TRAK2: variants seen among roughly 807,000 people sequenced by gnomAD.
TRAK2 encodes the protein trafficking kinesin-binding protein 2.
Under a neutral mutation model 104.6 loss-of-function variants are expected in TRAK2, and 81 were observed. The observed-to-expected ratio is 0.77, with a 90% confidence interval of 0.65 to 0.93. The LOEUF (loss-of-function observed/expected upper bound fraction) is 0.93, where lower values mean the gene tolerates loss of function less well. Among genes scored for constraint, TRAK2 ranks in the 40% least tolerant of loss-of-function variants. TRAK2 has a pLI of 0.00. For missense variants in TRAK2, 1,002 were observed against 1,089.0 expected (o/e 0.92, Z 1.12); for synonymous variants, 406 against 394.4 (o/e 1.03, Z -0.35).
chr2:201,450,040 T>C (rs768801516), intron 1 of TRAK2, among the ~76,000 whole-genome samples: 1 of 152,110 alleles, frequency 6.6e-6, no homozygotes, highest in African/African-American at 2.4e-5. Flanking sequence ...TGAATAAGTG[T>C]GTAAGATAAC....
Position 201,384,205 on chromosome 2 carries a change from T to TGCACA in TRAK2, c.1974_1975insTGTGC (p.Asn659CysfsTer54). On this transcript the variant is annotated frameshift_variant, in exon 15 of 16. Transcript: ENST00000332624. LOFTEE classifies it high-confidence loss of function. Reference sequence around the variant, plus strand: ...GTGCACGACAGGCACTTTCCTGGGTTGGCGGTTGCAACTGAAATAGATTTT... The same window carrying TGCACA: ...GTGCACGACAGGCACTTTCCTGGGTTGCACAGGCGGTTGCAACTGAAATAGATTTT... 1.2e-6 allele frequency: 2 copies of TGCACA among 1,608,508 alleles called. No homozygotes were observed. The highest frequency in any genetic ancestry group is 2.2e-5 in the South Asian group (2 of 90,482).
chr2:201,392,012 GC>G lies in TRAK2; in HGVS notation c.1113+896del, dbSNP rs1473333072. On this transcript the variant is annotated intron_variant, in intron 10 of 15. Coordinates refer to ENST00000332624, the MANE Select transcript of TRAK2 (RefSeq NM_015049.3). ...ACTTCCTGATGCTGATGGTTGTAGT[GC>G]GTTTATGTAGGACAGTGTCCTTAAG... 6.2e-4 allele frequency among the ~76,000 whole-genome samples: 94 copies of G among 152,262 alleles called. 1 individual carries two copies. The highest frequency in any genetic ancestry group is 1.6e-4 in the Non-Finnish European group (11 of 68,002).
chr2:201,381,042 C>T lies in TRAK2; in HGVS notation c.2246G>A (p.Gly749Asp), dbSNP rs1645905224. The T allele has an allele frequency of 6.2e-7, 1 of 1,614,010 alleles. No individual in the cohort carries two copies. The highest frequency in any genetic ancestry group is 1.1e-5 in the South Asian group (1 of 91,080). The stretch of plus-strand genomic sequence containing the variant: ...GCTGTGGTACACTTTGGCAGAGATG[C>T]CTCGCTCTTGTAGAAGTTTGGCCAA... ...MSLAKLLQER[G>D]ISAKVYHSPI... Residue 749 changes from glycine to aspartate, a missense_variant, in exon 16 of 16, where the codon GGC (glycine) becomes GAC (aspartate). By Grantham distance (94) the Gly-to-Asp change is moderately conservative. Transcript: ENST00000332624.
At chr2:201,431,955 T>G (rs951039632) in intron 1 of TRAK2, among the ~76,000 whole-genome samples, 1 of 152,204 alleles carries the variant, frequency 6.6e-6, no homozygotes. Flanking sequence ...CAGAGGGTTA[T>G]TGGGAAATAA....
At chr2:201,416,709 A>C (rs191872032) in intron 2 of TRAK2, among the ~76,000 whole-genome samples, 1 of 152,286 alleles carries the variant, frequency 6.6e-6, no homozygotes, top group Admixed American at 6.5e-5. Flanking sequence ...GGGAAATGGA[A>C]GAATACTGTT....
At chr2:201,415,716 A>C (rs1951686240) in intron 2 of TRAK2, among the ~76,000 whole-genome samples, 1 of 152,198 alleles carries the variant, frequency 6.6e-6, no homozygotes, top group Non-Finnish European at 1.5e-5. Context: ...AGAAAACTGA[A>C]CAGAACATCA....
intron 2 of TRAK2, among the ~76,000 whole-genome samples, chr2:201,408,578 T>C (rs930520089): frequency 6.6e-6 from 1 of 152,180 alleles, no homozygotes; most frequent in Non-Finnish European, 1.5e-5. Context: ...TCCCTATCAA[T>C]CTATTTAGTA....
chr2:201,428,134 T>C (rs1340973435), intron 1 of TRAK2, among the ~76,000 whole-genome samples: 2 of 152,072 alleles, frequency 1.3e-5, no homozygotes, highest in Non-Finnish European at 2.9e-5. Flanking sequence ...TTCACTCTGA[T>C]GGTAGGTTCT....
chr2:201,387,544 C>T (rs1951402760), intron 13 of TRAK2, among the ~76,000 whole-genome samples, 159 bp downstream of exon 13: 1 of 152,148 alleles, frequency 6.6e-6, no homozygotes, highest in African/African-American at 2.4e-5. Flanking sequence ...ATTAATTTTC[C>T]ACAAAGTACT....
At chr2:201,381,261 A>T in intron 15 of TRAK2, 43 bp from the exon 16 acceptor site, 1 of 1,522,522 alleles carries the variant, frequency 6.6e-7, no homozygotes, top group Non-Finnish European at 8.8e-7. Flanking sequence ...GTTTAAGAAT[A>T]AAAAGCAAGC....
chr2:201,436,347 A>G (rs1194157591), intron 1 of TRAK2, among the ~76,000 whole-genome samples: 4 of 152,230 alleles, frequency 2.6e-5, no homozygotes, highest in Non-Finnish European at 5.9e-5. Flanking sequence ...TGAACAAGTC[A>G]GAAAGAATTT....
Position 201,394,780 on chromosome 2 carries a change from A to G in TRAK2, c.975+18T>C. ...ACTCTTTCCCCTCCTGAATTACACAAGATAAAGATTTCATTACCTCCATTG... is the reference window on the plus strand; with the variant it reads ...ACTCTTTCCCCTCCTGAATTACACAGGATAAAGATTTCATTACCTCCATTG... On this transcript the variant is annotated intron_variant, in intron 9 of 15. Coordinates refer to ENST00000332624, the MANE Select transcript of TRAK2 (RefSeq NM_015049.3). The G allele has an allele frequency of 6.2e-7, 1 of 1,607,852 alleles. No individual in the cohort carries two copies. The highest frequency in any genetic ancestry group is 8.5e-7 in the Non-Finnish European group (1 of 1,174,844).
At chr2:201,399,955 G>T (rs567496603) in intron 4 of TRAK2, among the ~76,000 whole-genome samples, 2 of 152,172 alleles carry the variant, frequency 1.3e-5, no homozygotes, top group East Asian at 1.9e-4. Context: ...TGTAAAAAAA[G>T]AGTTCCATTT....
At chr2:201,408,782 G>A (rs1277632951) in intron 2 of TRAK2, among the ~76,000 whole-genome samples, 2 of 152,178 alleles carry the variant, frequency 1.3e-5, no homozygotes, top group East Asian at 3.8e-4. Flanking sequence ...GGGATAAAAT[G>A]ATATGCTCTG....
At chr2:201,449,011 C>G (rs1312721636) in intron 1 of TRAK2, among the ~76,000 whole-genome samples, 1 of 152,124 alleles carries the variant, frequency 6.6e-6, no homozygotes, top group Non-Finnish European at 1.5e-5. Flanking sequence ...TTTGCAGACT[C>G]ACAAAACCTG....
rs1383955419 is a variant in TRAK2 at position 201,379,975 on chromosome 2, T to C, written c.*568A>G. On this transcript the variant is annotated 3_prime_UTR_variant, in exon 16 of 16. Coordinates refer to ENST00000332624, the MANE Select transcript of TRAK2 (RefSeq NM_015049.3). ...TCCACCTGTGATTCAATGAAAAAGA[T>C]GAAACTCCTAATTTTGCTAATGCTG... The C allele has an allele frequency of 6.5e-6, 1 of 153,030 alleles. No individual in the cohort carries two copies. The highest frequency in any genetic ancestry group is 1.5e-5 in the Non-Finnish European group (1 of 68,660). 9.5% of individuals were successfully genotyped at this position (153,030 alleles called of 1,614,324 possible). A position where few individuals can be genotyped will look rare whatever the true frequency, so the allele number is the denominator to read the frequency against.
At chr2:201,381,614 T>TATCC (rs2125638984) in intron 15 of TRAK2, among the ~76,000 whole-genome samples, 1 of 152,330 alleles carries the variant, frequency 6.6e-6, no homozygotes, top group East Asian at 1.9e-4. Flanking sequence ...TTTATTCATA[T>TATCC]ATCCATTCCA....
chr2:201,402,476 G>A (rs1286728450), intron 3 of TRAK2, among the ~76,000 whole-genome samples: 1 of 152,008 alleles, frequency 6.6e-6, no homozygotes, highest in African/African-American at 2.4e-5. Context: ...GATTTAAACT[G>A]AAAATATAAA....
In TRAK2 at chr2:201,420,528, G is replaced by C; in HGVS notation, c.-21C>G. ...CTCATGCAGGATCCTTTCTTGCTTT[G>C]GTTGAGAAGGACAGCTTTGGTATGA... On this transcript the variant is annotated 5_prime_UTR_variant, in exon 2 of 16. Transcript: ENST00000332624. The C allele has an allele frequency of 6.3e-7, 1 of 1,591,626 alleles. No individual in the cohort carries two copies. The highest frequency in any genetic ancestry group is 8.6e-7 in the Non-Finnish European group (1 of 1,159,810).
Sources: gnomAD v4.1 joint callset for allele counts (sites outside exome capture counted in the v4.1 genomes callset) on GRCh38, gnomAD v4.1.1 for gene constraint, MANE v1.5 for transcripts, NCBI Gene and HGNC (gene_info 2026-07-23, HGNC 2026-07-21) for gene names.